The following SP4 variants were observed in gnomAD, a reference collection of about 807,000 sequenced individuals.
SP4 encodes Sp4 transcription factor, also known as transcription factor Sp4.
A neutral mutation model predicts 72.8 loss-of-function variants in SP4; 19 were observed. That is an observed-to-expected ratio of 0.26 (90% CI 0.18 to 0.38). SP4 has a LOEUF of 0.38. Among genes scored for constraint, SP4 ranks in the 10% least tolerant of loss-of-function variants. The pLI is 1.00. For synonymous variants in SP4, 395 were observed against 333.1 expected (o/e 1.19, Z -2.02); for missense variants, 1,008 against 926.3 (o/e 1.09, Z -1.14).
chr7:21,476,713 A>ATATAAC (rs1474175004), intron 3 of SP4, among the ~76,000 whole-genome samples: 2 of 152,204 alleles, frequency 1.3e-5, no homozygotes, highest in Non-Finnish European at 2.9e-5. Context: ...CTTTGTGTTT[A>ATATAAC]TATAACATCT....
intron 5 of SP4, among the ~76,000 whole-genome samples, chr7:21,508,962 A>C (rs867783724): frequency 2.6e-5 from 4 of 152,112 alleles, no homozygotes; most frequent in Non-Finnish European, 5.9e-5. Flanking sequence ...GAATCTGGCC[A>C]CGACAAATTT....
chr7:21,498,866 A>G (rs1207775748), intron 5 of SP4, among the ~76,000 whole-genome samples: 3 of 152,066 alleles, frequency 2.0e-5, no homozygotes, highest in Non-Finnish European at 4.4e-5. Context: ...CAGGCGGATC[A>G]TGAGGTCAGG....
chr7:21,459,870 G>GTT (rs1189969938), intron 3 of SP4, among the ~76,000 whole-genome samples: 1 of 152,190 alleles, frequency 6.6e-6, no homozygotes, highest in Non-Finnish European at 1.5e-5. Flanking sequence ...GAGCATAAAG[G>GTT]TAGAAGCCTT....
At chr7:21,500,249 A>G (rs189619378) in intron 5 of SP4, among the ~76,000 whole-genome samples, 77 of 152,302 alleles carry the variant, frequency 5.1e-4, no homozygotes, top group African/African-American at 1.8e-3. Context: ...GATATTTGTA[A>G]TGAAGATGTT....
intron 3 of SP4, among the ~76,000 whole-genome samples, chr7:21,467,124 T>C (rs1241540018): frequency 1.3e-5 from 2 of 152,106 alleles, no homozygotes; most frequent in Admixed American, 6.5e-5. Flanking sequence ...GTTTTTGGGG[T>C]CTGTTTTGTG....
chr7:21,499,066 C>T lies in SP4; in HGVS notation c.2108-11956C>T, dbSNP rs1384979647. ...CTGCACTCCAGCCTGGGCGATGGAG[C>T]AAGACTCTGTCTCAAAAAAAAAAAA... On this transcript the variant is annotated intron_variant, in intron 5 of 5. Coordinates refer to ENST00000222584, the MANE Select transcript of SP4 (RefSeq NM_003112.5). Among the ~76,000 whole-genome samples the T allele has an allele frequency of 4.8e-5, 5 of 104,566 alleles. No individual in the cohort carries two copies. The East Asian group carries it at 1.5e-3, about 31-fold the overall frequency. 68.6% of individuals were successfully genotyped at this position (104,566 alleles called of 152,430 possible).
rs1048953494 is a variant in SP4 at position 21,456,647 on chromosome 7, A to C, written c.1679-20432A>C. 3.9e-5 allele frequency among the ~76,000 whole-genome samples: 6 copies of C among 152,350 alleles called. No individual in the cohort carries two copies. The South Asian group carries it at 1.2e-3, about 32-fold the overall frequency. On this transcript the variant is annotated intron_variant, in intron 3 of 5. Coordinates refer to ENST00000222584, the MANE Select transcript of SP4 (RefSeq NM_003112.5). ...TCTGGCGGGTGTGCAAGGCCATTTCAGATTACCCACAGGGAAAACAGGAGA... is the reference window on the plus strand; with the variant it reads ...TCTGGCGGGTGTGCAAGGCCATTTCCGATTACCCACAGGGAAAACAGGAGA...
chr7:21,451,001 T>C (rs1412541898), intron 3 of SP4, among the ~76,000 whole-genome samples: 4 of 152,192 alleles, frequency 2.6e-5, no homozygotes, highest in Non-Finnish European at 4.4e-5. Context: ...TGGGGTCTTA[T>C]ATGTTGGTGT....
intron 3 of SP4, among the ~76,000 whole-genome samples, chr7:21,460,409 C>G (rs866480266): frequency 6.7e-6 from 1 of 148,452 alleles, no homozygotes; most frequent in Non-Finnish European, 1.5e-5. Context: ...GGTTCGTGGT[C>G]TCGCTGGCTT....
chr7:21,428,203 C>CCCCCCCAAAA lies in SP4; in HGVS notation c.-49_-48insCCCCCCAAAA. 7 of 1,216,670 alleles carry CCCCCCCAAAA rather than the reference C, an allele frequency of 5.8e-6. No homozygotes were observed. Among genetic ancestry groups the CCCCCCCAAAA allele is most frequent in the East Asian group, 5.7e-5 (2 of 35,134 alleles). The allele number at this position is 1,216,670 out of a possible 1,614,324, so 75.4% of individuals were successfully genotyped here. ...CTCCCGCCTCGCCCCCACCCCCACC[C>CCCCCCCAAAA]ACCTCTATCCCAGTGTCTCCGTCTG... On this transcript the variant is annotated 5_prime_UTR_variant, in exon 1 of 6. Transcript: ENST00000222584.
chr7:21,431,673 A>G (rs765471688), intron 3 of SP4, among the ~76,000 whole-genome samples: 2 of 152,186 alleles, frequency 1.3e-5, no homozygotes, highest in African/African-American at 2.4e-5. Flanking sequence ...CTTGGGAAGT[A>G]GTTTTAATCT....
chr7:21,428,739 A>C lies in SP4; in HGVS notation c.70A>C (p.Lys24Gln). The change falls in exon 2 of 6, where the codon AAA (lysine) becomes CAA (glutamine). Residue 24 changes from lysine (K) to glutamine (Q), a missense_variant. By Grantham distance (53) the Lys-to-Gln change is moderately conservative. Around this residue, in one of 3 missense-constraint regions of SP4, gnomAD observed 893 missense variants for 743.3 expected, o/e 1.20. Coordinates refer to ENST00000222584, the MANE Select transcript of SP4 (RefSeq NM_003112.5). ...AGCGGCGATGGCTACAGAAGGAGGGAAAACCTCTGAGCCAGAGAATAACAA... is the reference window on the plus strand; with the variant it reads ...AGCGGCGATGGCTACAGAAGGAGGGCAAACCTCTGAGCCAGAGAATAACAA... ...AAAAMATEGG[K>Q]TSEPENNNKK... 1.3e-6 allele frequency: 2 copies of C among 1,553,864 alleles called. No homozygotes were observed. Among genetic ancestry groups the C allele is most frequent in the Non-Finnish European group, 1.7e-6 (2 of 1,148,258 alleles).
chr7:21,457,763 T>G (rs1302146039), intron 3 of SP4, among the ~76,000 whole-genome samples: 1 of 152,068 alleles, frequency 6.6e-6, no homozygotes, highest in African/African-American at 2.4e-5. Context: ...TTATTTTTTT[T>G]TCAATAGGGG....
rs564899435 is a variant in SP4, at chr7:21,469,590, G to A, written c.1679-7489G>A. On this transcript the variant is annotated intron_variant, in intron 3 of 5. Transcript: ENST00000222584. ...GGAGTCTTGCTCTGTCGCCCAGGCT[G>A]GAGTGCAGTGGTGAGATCTCCACTC... Among the ~76,000 whole-genome samples, 30 of 145,612 alleles carry A rather than the reference G, an allele frequency of 2.1e-4. No homozygotes were observed. The South Asian group carries it at 6.3e-3, about 31-fold the overall frequency.
intron 3 of SP4, among the ~76,000 whole-genome samples, chr7:21,463,543 G>A (rs1204258674): frequency 6.6e-6 from 1 of 152,230 alleles, no homozygotes; most frequent in East Asian, 1.9e-4. Flanking sequence ...GAAGCCAGAG[G>A]AGGGTTGGAT....
intron 2 of SP4, 143 bp from the exon 3 acceptor site, chr7:21,429,146 G>T (rs907407781): frequency 1.7e-6 from 1 of 593,318 alleles, no homozygotes; most frequent in East Asian, 2.8e-5. Flanking sequence ...ACTTTTGTTC[G>T]TATTTCTTTT....
intron 3 of SP4, among the ~76,000 whole-genome samples, chr7:21,437,775 G>A (rs982804175): frequency 1.1e-4 from 16 of 152,288 alleles, no homozygotes; most frequent in East Asian, 9.6e-4. Context: ...TGAACTGAGA[G>A]TAGAATAAAG....
chr7:21,494,198 C>T (rs1022532883), intron 5 of SP4, among the ~76,000 whole-genome samples: 4 of 152,138 alleles, frequency 2.6e-5, no homozygotes, highest in African/African-American at 9.7e-5. Flanking sequence ...GATGAAGGAC[C>T]TTTTGCTTCC....
chr7:21,510,770 A>C (rs1782120873), intron 5 of SP4, among the ~76,000 whole-genome samples: 1 of 152,174 alleles, frequency 6.6e-6, no homozygotes, highest in African/African-American at 2.4e-5. Flanking sequence ...TCCAGTGGCT[A>C]TTTACTTGCT....
Sources: gnomAD v4.1 joint callset for allele counts (sites outside exome capture counted in the v4.1 genomes callset) on GRCh38, gnomAD v4.1.1 for gene constraint, gnomAD v4.1.1 regional missense constraint, MANE v1.5 for transcripts, NCBI Gene and HGNC (gene_info 2026-07-23, HGNC 2026-07-21) for gene names.